Variants in CCDC178 observed in about 807,000 individuals in gnomAD.
The protein encoded by CCDC178 is coiled-coil domain-containing protein 178.
CCDC178 carries 126 observed loss-of-function variants against 117.4 expected under a neutral mutation model. The ratio of observed to expected loss-of-function variants is 1.07; its 90% CI spans 0.93 to 1.24. The LOEUF is 1.24. Among genes scored for constraint, CCDC178 ranks in the 50% most tolerant of loss-of-function variants. The pLI, the probability that CCDC178 is intolerant of heterozygous loss-of-function variation, is 0.00. For missense variants in CCDC178, 1,030 were observed against 986.9 expected (o/e 1.04, Z -0.59); for synonymous variants, 283 against 313.4 (o/e 0.90, Z 1.02).
chr18:33,345,580 A>C (rs1008043091), intron 9 of CCDC178, among the ~76,000 whole-genome samples: 1 of 152,186 alleles, frequency 6.6e-6, no homozygotes, highest in Non-Finnish European at 1.5e-5. Context: ...AGACCTAAAA[A>C]TGTGGCTAAT....
intron 21 of CCDC178, among the ~76,000 whole-genome samples, chr18:33,020,557 G>A (rs935734269): frequency 2.6e-5 from 4 of 152,166 alleles, no homozygotes; most frequent in African/African-American, 9.7e-5. Context: ...TGTTTTTAAA[G>A]TATAAAGTAG....
intron 22 of CCDC178, among the ~76,000 whole-genome samples, chr18:32,949,026 C>T (rs1402158734): frequency 3.9e-5 from 6 of 152,018 alleles, no homozygotes; most frequent in African/African-American, 1.4e-4. Context: ...GTATAAAATG[C>T]TAGAATGACT....
At chr18:33,007,601 A>C (rs1217282116) in intron 21 of CCDC178, among the ~76,000 whole-genome samples, 1 of 152,072 alleles carries the variant, frequency 6.6e-6, no homozygotes, top group Non-Finnish European at 1.5e-5. Context: ...TAACGACTCA[A>C]ATTATATTGG....
At chr18:32,999,284 T>C (rs2055582457) in intron 21 of CCDC178, among the ~76,000 whole-genome samples, 1 of 151,684 alleles carries the variant, frequency 6.6e-6, no homozygotes, top group African/African-American at 2.4e-5. Flanking sequence ...GGGGAAGGAA[T>C]TTGTCTTGTG....
intron 11 of CCDC178, among the ~76,000 whole-genome samples, chr18:33,314,007 C>T (rs1364799698): frequency 3.3e-5 from 5 of 150,672 alleles, no homozygotes; most frequent in African/African-American, 7.3e-5. Flanking sequence ...GAGACCATCC[C>T]GGCTAAAACG....
At chr18:33,020,118 T>TG (rs1481452450) in intron 21 of CCDC178, among the ~76,000 whole-genome samples, 14 of 138,334 alleles carry the variant, frequency 1.0e-4, no homozygotes, top group Non-Finnish European at 2.0e-4. Flanking sequence ...GATAATTGGT[T>TG]TTTTTTTTTT....
At chr18:33,430,152 A>C (rs2064189595) in intron 2 of CCDC178, among the ~76,000 whole-genome samples, 1 of 152,232 alleles carries the variant, frequency 6.6e-6, no homozygotes, top group Non-Finnish European at 1.5e-5. Flanking sequence ...ATTGCCACAA[A>C]AACTTTACTT....
intron 20 of CCDC178, among the ~76,000 whole-genome samples, chr18:33,126,496 G>A (rs1163659510): frequency 1.3e-5 from 2 of 150,680 alleles, no homozygotes; most frequent in Non-Finnish European, 3.0e-5. Flanking sequence ...TAGTATCTTG[G>A]TATCTTGGTA....
intron 21 of CCDC178, 123 bp downstream of exon 21, chr18:33,092,638 A>G (rs2057484234): frequency 3.6e-6 from 2 of 562,394 alleles, no homozygotes; most frequent in South Asian, 3.0e-5. Flanking sequence ...AACTACACAG[A>G]GAAAATAGGC....
At chr18:33,407,006 A>G (rs1405080787) in intron 3 of CCDC178, among the ~76,000 whole-genome samples, 1 of 152,128 alleles carries the variant, frequency 6.6e-6, no homozygotes, top group Non-Finnish European at 1.5e-5. Context: ...TAACTATTAA[A>G]CTACCTTAAT....
At chr18:33,135,607 C>T (rs1416166635) in intron 20 of CCDC178, among the ~76,000 whole-genome samples, 1 of 152,132 alleles carries the variant, frequency 6.6e-6, no homozygotes, top group Non-Finnish European at 1.5e-5. Context: ...TAGTCTGTTT[C>T]TTTAATGTGA....
chr18:33,436,331 G>T (rs1599320133), intron 2 of CCDC178, among the ~76,000 whole-genome samples: 1 of 152,292 alleles, frequency 6.6e-6, no homozygotes, highest in East Asian at 1.9e-4. Flanking sequence ...TAGGTAACAA[G>T]ATGTCCAGGA....
chr18:32,937,927 G>T lies in CCDC178; in HGVS notation c.*84C>A. The T allele has an allele frequency of 3.8e-6, 4 of 1,056,280 alleles. No individual in the cohort carries two copies. Among genetic ancestry groups the T allele is most frequent in the Non-Finnish European group, 5.8e-6 (4 of 684,182 alleles). The allele number at this position is 1,056,280 out of a possible 1,614,324, so 65.4% of individuals were successfully genotyped here. ...CATGGAAGTGTGAAATGGCAAACAG[G>T]TGAATGTCCAATTACACTGTTATCT... On this transcript the variant is annotated 3_prime_UTR_variant, in exon 23 of 23. Transcript: ENST00000383096.
intron 15 of CCDC178, among the ~76,000 whole-genome samples, chr18:33,227,579 T>TATAC (rs1555666698): frequency 5.8e-4 from 39 of 67,614 alleles, no homozygotes; most frequent in African/African-American, 1.0e-3. Flanking sequence ...TATATATATA[T>TATAC]ACACACACAC....
intron 2 of CCDC178, among the ~76,000 whole-genome samples, chr18:33,422,606 G>A (rs2064042231): frequency 6.6e-6 from 1 of 152,052 alleles, no homozygotes; most frequent in Non-Finnish European, 1.5e-5. Context: ...AATATAACTT[G>A]GCTAAAGCAA....
intron 9 of CCDC178, among the ~76,000 whole-genome samples, chr18:33,338,249 CATT>C (rs1292706972): frequency 1.3e-5 from 2 of 151,960 alleles, no homozygotes; most frequent in African/African-American, 4.8e-5. Flanking sequence ...AAATGAAAAA[CATT>C]ATAGATGTTG....
chr18:33,167,709 C>CA (rs1296161688), intron 20 of CCDC178, among the ~76,000 whole-genome samples: 81 of 149,634 alleles, frequency 5.4e-4, no homozygotes, highest in South Asian at 1.5e-3. Context: ...ACTAAAAATA[C>CA]AAAAAAAAAT....
chr18:33,430,761 T>A (rs1359612694), intron 2 of CCDC178, among the ~76,000 whole-genome samples: 1 of 152,224 alleles, frequency 6.6e-6, no homozygotes, highest in Non-Finnish European at 1.5e-5. Flanking sequence ...AGGGCTGCAC[T>A]ATTAGGTTTA....
intron 21 of CCDC178, among the ~76,000 whole-genome samples, chr18:33,069,412 A>G (rs1380647594): frequency 6.6e-6 from 1 of 152,168 alleles, no homozygotes; most frequent in African/African-American, 2.4e-5. Context: ...AGTTGCCAGT[A>G]ACATATAGTG....
Sources: gnomAD v4.1 joint callset for allele counts (sites outside exome capture counted in the v4.1 genomes callset) on GRCh38, gnomAD v4.1.1 for gene constraint, MANE v1.5 for transcripts, NCBI Gene and HGNC (gene_info 2026-07-23, HGNC 2026-07-21) for gene names.